The following TRMT11 variants were observed in gnomAD, a reference collection of about 807,000 sequenced individuals.
TRMT11 encodes tRNA (guanine(10)-N(2))-methyltransferase TRMT11.
TRMT11 carries 53 observed loss-of-function variants against 62.8 expected under a neutral mutation model. The ratio of observed to expected loss-of-function variants is 0.84; its 90% CI spans 0.68 to 1.06. The LOEUF is 1.06. Ranked by LOEUF, TRMT11 falls within the 50% of genes least tolerant of loss-of-function variation. The pLI is 0.00. For synonymous variants in TRMT11, 188 were observed against 190.3 expected, an observed-to-expected ratio of 0.99 and a Z score of 0.10; for missense variants, 556 against 553.4, an observed-to-expected ratio of 1.00 and a Z score of -0.05.
At chr6:126,142,226 G>T (rs1309001177) in intron 21 of TRMT11, among the ~76,000 whole-genome samples, 1 of 152,012 alleles carries the variant, frequency 6.6e-6, no homozygotes, top group Non-Finnish European at 1.5e-5. Flanking sequence ...GGAGAGAGGA[G>T]GGGAGGAGTG....
At chr6:126,242,897 C>T in the TRMT11 span, among the ~76,000 whole-genome samples, 1 of 152,108 alleles carries the variant, frequency 6.6e-6, no homozygotes, top group Non-Finnish European at 1.5e-5. Flanking sequence ...GTCTAAAACA[C>T]CAAAAGCAAT....
At chr6:126,228,591 G>A in the TRMT11 span, among the ~76,000 whole-genome samples, 1 of 152,130 alleles carries the variant, frequency 6.6e-6, no homozygotes, top group Non-Finnish European at 1.5e-5. Context: ...AAGCCGATCT[G>A]TTCATTAAGC....
intron 12 of TRMT11, among the ~76,000 whole-genome samples, chr6:126,030,757 A>C (rs1308880424): frequency 6.6e-6 from 1 of 152,212 alleles, no homozygotes; most frequent in African/African-American, 2.4e-5. Flanking sequence ...GACAGCTTAA[A>C]CCTGACCTAC....
At chr6:126,028,771 T>C (rs1773647904) in intron 12 of TRMT11, among the ~76,000 whole-genome samples, 1 of 152,164 alleles carries the variant, frequency 6.6e-6, no homozygotes, top group Non-Finnish European at 1.5e-5. Flanking sequence ...TCTTCCCCAC[T>C]AGCTCCAGGA....
intron 1 of TRMT11, among the ~76,000 whole-genome samples, chr6:126,181,095 C>A (rs1778460993): frequency 6.6e-6 from 1 of 152,132 alleles, no homozygotes; most frequent in Admixed American, 6.5e-5. Context: ...TTAGTGATTA[C>A]TTCTGGCTAA....
At chr6:126,017,730 C>A (rs1795192048) in intron 11 of TRMT11, among the ~76,000 whole-genome samples, 1 of 152,186 alleles carries the variant, frequency 6.6e-6, no homozygotes, top group Admixed American at 6.5e-5. Flanking sequence ...CTCATAATAG[C>A]TTGTTTTTAC....
rs141252671 is a variant in TRMT11, at chr6:126,034,919, G to A, written c.1261-3786G>A. Among the ~76,000 whole-genome samples the A allele has an allele frequency of 2.1e-4, 32 of 152,136 alleles. No individual in the cohort carries two copies. In the East Asian group the frequency reaches 5.2e-3, roughly 25 times the overall value. On this transcript the variant is annotated intron_variant, in intron 12 of 12. Coordinates refer to ENST00000334379, the MANE Select transcript of TRMT11 (RefSeq NM_001031712.3). ...CAGATATTCCTGGTTGAGACGCGCA[G>A]GGAATGTGAATAGAGAAGAGTCATG... is the stretch of plus-strand genomic sequence containing the variant.
the TRMT11 span, among the ~76,000 whole-genome samples, chr6:126,262,107 G>A: frequency 1.3e-5 from 2 of 152,210 alleles, no homozygotes; most frequent in Non-Finnish European, 2.9e-5. Context: ...GGAACCTGAA[G>A]TTTTGCAGCA....
intron 1 of TRMT11, among the ~76,000 whole-genome samples, chr6:126,180,451 TA>T (rs1310716871): frequency 1.3e-5 from 2 of 152,194 alleles, no homozygotes; most frequent in Non-Finnish European, 2.9e-5. Context: ...CAAGGATGTG[TA>T]GTTTATCATG....
the TRMT11 span, among the ~76,000 whole-genome samples, chr6:126,229,059 A>G: frequency 6.6e-6 from 1 of 152,216 alleles, no homozygotes; most frequent in Non-Finnish European, 1.5e-5. Flanking sequence ...CTCATGTTTT[A>G]GATAGCATTT....
At chr6:126,010,566 T>C (rs1240186923) in intron 8 of TRMT11, among the ~76,000 whole-genome samples, 1 of 152,140 alleles carries the variant, frequency 6.6e-6, no homozygotes, top group East Asian at 1.9e-4. Context: ...AAAGTCTGTA[T>C]ATTCTGGCCT....
At chr6:126,224,752 T>C in the TRMT11 span, among the ~76,000 whole-genome samples, 1 of 152,198 alleles carries the variant, frequency 6.6e-6, no homozygotes, top group Non-Finnish European at 1.5e-5. Context: ...ACAGGTTACA[T>C]GCACTGTTGG....
At chr6:126,256,350 T>G in the TRMT11 span, among the ~76,000 whole-genome samples, 1 of 152,222 alleles carries the variant, frequency 6.6e-6, no homozygotes, top group Non-Finnish European at 1.5e-5. Context: ...CAATGGAGTC[T>G]GCATTTTCAC....
intron 3 of TRMT11, among the ~76,000 whole-genome samples, chr6:125,997,562 C>T (rs1187728738): frequency 2.6e-5 from 4 of 152,252 alleles, no homozygotes; most frequent in Non-Finnish European, 4.4e-5. Flanking sequence ...TGCTGGAGTG[C>T]GGTGACATGA....
intron 17 of TRMT11, among the ~76,000 whole-genome samples, chr6:126,074,316 G>A (rs904900777): frequency 1.2e-4 from 19 of 152,024 alleles, no homozygotes; most frequent in Non-Finnish European, 1.6e-4. Flanking sequence ...ACCCATAACC[G>A]CTGGATAGCA....
chr6:126,084,794 A>G (rs1399753714), intron 17 of TRMT11, among the ~76,000 whole-genome samples: 2 of 152,180 alleles, frequency 1.3e-5, no homozygotes, highest in African/African-American at 4.8e-5. Context: ...GGCAACATGG[A>G]TGAACCTGGA....
At chr6:126,263,635 GC>G in the TRMT11 span, among the ~76,000 whole-genome samples, 1 of 152,210 alleles carries the variant, frequency 6.6e-6, no homozygotes, top group Non-Finnish European at 1.5e-5. Context: ...CAAGTGCTTG[GC>G]TGCTGATCCC....
intron 21 of TRMT11, among the ~76,000 whole-genome samples, chr6:126,124,977 A>G (rs1777698598): frequency 1.3e-5 from 2 of 152,060 alleles, no homozygotes; most frequent in Admixed American, 6.6e-5. Flanking sequence ...TCACCAAGCT[A>G]TAGGGGTAGG....
At position 126,093,614 on chromosome 6, in the gene TRMT11, TATATATATA is replaced by T. The variant is rs1312241037; in HGVS notation, c.*1438-19251_*1438-19243del. Among the ~76,000 whole-genome samples, 95 of 93,284 alleles carry T rather than the reference TATATATATA, an allele frequency of 1.0e-3. 7 individuals carry two copies. The highest frequency in any genetic ancestry group is 6.4e-3 in the African/African-American group (94 of 14,800). 61.2% of individuals were successfully genotyped at this position (93,284 alleles called of 152,430 possible). ...ATATATATATATATATATATATATA[TATATATATA>T]TATATATATTTTCCCCCAGTCCTGG... On this transcript the variant is annotated intron_variant and NMD_transcript_variant, in intron 17 of 22. Transcript: ENST00000648977.
Sources: gnomAD v4.1 joint callset for allele counts (sites outside exome capture counted in the v4.1 genomes callset) on GRCh38, gnomAD v4.1.1 for gene constraint, MANE v1.5 for transcripts, NCBI Gene and HGNC (gene_info 2026-07-23, HGNC 2026-07-21) for gene names.